The following CFAP100 variants were observed in gnomAD, a reference collection of about 807,000 sequenced individuals.
CFAP100 encodes the protein cilia and flagella associated protein 100, also known as cilia- and flagella-associated protein 100.
A neutral mutation model predicts 81.5 loss-of-function variants in CFAP100; 70 were observed. The ratio of observed to expected loss-of-function variants is 0.86; its 90% CI spans 0.71 to 1.05. CFAP100 has a LOEUF of 1.05. Among genes scored for constraint, CFAP100 ranks in the 50% least tolerant of loss-of-function variants. CFAP100 has a pLI of 0.00. For synonymous variants in CFAP100, 341 were observed against 314.8 expected (o/e 1.08, Z -0.88); for missense variants, 811 against 776.5 (o/e 1.04, Z -0.53).
chr3:126,435,719 C>A, intron 16 of CFAP100, 67 bp downstream of exon 16: 1 of 1,313,394 alleles, frequency 7.6e-7, no homozygotes, highest in Non-Finnish European at 1.1e-6. Flanking sequence ...AGCTGAGGTC[C>A]TGCAGCCCAA....
intron 11 of CFAP100, among the ~76,000 whole-genome samples, chr3:126,422,987 G>C (rs972749260): frequency 6.6e-6 from 1 of 152,194 alleles, no homozygotes; most frequent in South Asian, 2.1e-4. Context: ...CCCAAGAGGA[G>C]AGCAGGTTTT....
At chr3:126,406,421 A>G (rs1041357300) in intron 2 of CFAP100, among the ~76,000 whole-genome samples, 1 of 152,154 alleles carries the variant, frequency 6.6e-6, no homozygotes, top group Admixed American at 6.5e-5. Context: ...AGCCCACCGG[A>G]GACCACGTTC....
intron 2 of CFAP100, among the ~76,000 whole-genome samples, chr3:126,399,016 G>A (rs981587430): frequency 1.3e-5 from 2 of 152,190 alleles, no homozygotes; most frequent in African/African-American, 4.8e-5. Flanking sequence ...CCTCCACAGG[G>A]AATGCTCTTC....
At chr3:126,413,398 G>C (rs1018947087) in intron 3 of CFAP100, among the ~76,000 whole-genome samples, 1 of 152,234 alleles carries the variant, frequency 6.6e-6, no homozygotes, top group Non-Finnish European at 1.5e-5. Context: ...ATTTCTGGGG[G>C]GTTGGGGTTG....
At chr3:126,404,449 GC>G (rs1323895796) in intron 2 of CFAP100, among the ~76,000 whole-genome samples, 2 of 152,166 alleles carry the variant, frequency 1.3e-5, no homozygotes, top group Non-Finnish European at 2.9e-5. Flanking sequence ...TCTATGGAAG[GC>G]TGCCTGCACA....
At chr3:126,423,249 G>T in intron 11 of CFAP100, 76 bp from the exon 12 acceptor site, 2 of 1,260,254 alleles carry the variant, frequency 1.6e-6, no homozygotes, top group South Asian at 1.4e-5. Flanking sequence ...ACGCCTTCAA[G>T]ACCTCTGTGC....
intron 2 of CFAP100, among the ~76,000 whole-genome samples, chr3:126,399,972 G>T (rs532300490): frequency 1.3e-5 from 2 of 152,252 alleles, no homozygotes; most frequent in South Asian, 4.1e-4. Context: ...CTGCTTCTGA[G>T]GGGCCGGCTC....
intron 3 of CFAP100, among the ~76,000 whole-genome samples, chr3:126,413,085 T>C (rs1400167612): frequency 6.6e-6 from 1 of 152,244 alleles, no homozygotes; most frequent in Non-Finnish European, 1.5e-5. Flanking sequence ...TGATTCCTAA[T>C]TGAGGGCAAA....
rs1349137423 is a variant in CFAP100 at position 126,436,386 on chromosome 3, G to A, written c.1818G>A (p.Leu606=). ...HTLMDKEEEE[L]LFFFT ...TGATGGACAAGGAGGAGGAGGAGCTGCTATTTTTCTTTACTTAATCTTCGC... is the reference window on the plus strand; with the variant it reads ...TGATGGACAAGGAGGAGGAGGAGCTACTATTTTTCTTTACTTAATCTTCGC... The change falls in exon 17 of 17, where the codon CTG becomes CTA. Residue 606 remains leucine (L), a synonymous_variant. Transcript: ENST00000352312. 6.2e-7 allele frequency: 1 copy of A among 1,613,856 alleles called. No individual in the cohort carries two copies.
At position 126,402,520 on chromosome 3, in the gene CFAP100, G is replaced by A. The variant is rs573531564; in HGVS notation, c.50-4652G>A. On this transcript the variant is annotated intron_variant, in intron 2 of 16. Transcript: ENST00000352312. ...TAGTTTCGGGGTTCTGGGGCACAGG[G>A]CTGCCCCTGGTTGTCTGGTCCTGGC... Among the ~76,000 whole-genome samples, 7 of 152,290 alleles carry A rather than the reference G, an allele frequency of 4.6e-5. No individual in the cohort carries two copies. The South Asian group carries it at 1.5e-3, about 32-fold the overall frequency.
chr3:126,435,504 T>G, intron 15 of CFAP100, 55 bp from the exon 16 acceptor site: 1 of 1,488,370 alleles, frequency 6.7e-7, no homozygotes. Context: ...CGTGTGGAGA[T>G]TACACAACAC....
At chr3:126,422,234 G>T (rs1015156504) in intron 11 of CFAP100, among the ~76,000 whole-genome samples, 4 of 152,208 alleles carry the variant, frequency 2.6e-5, no homozygotes, top group Non-Finnish European at 4.4e-5. Context: ...TATCAGAAAG[G>T]CATCGTATGG....
At chr3:126,416,529 G>C (rs536241541) in intron 5 of CFAP100, 21 bp downstream of exon 5, 1 of 1,531,334 alleles carries the variant, frequency 6.5e-7, no homozygotes, top group South Asian at 1.2e-5. Context: ...TCCGGCGCGG[G>C]GGGACCTGGG....
chr3:126,422,607 G>C (rs1182938283), intron 11 of CFAP100, among the ~76,000 whole-genome samples: 1 of 152,182 alleles, frequency 6.6e-6, no homozygotes, highest in Non-Finnish European at 1.5e-5. Flanking sequence ...GGGGCCTTCT[G>C]GGGCCCACAC....
Position 126,409,955 on chromosome 3 carries a change from C to G in CFAP100, c.130+2703C>G, listed in dbSNP as rs905827005. ...GTGGCTCACCCCTGTAATCCCAGCA[C>G]TTTGGGAGGCCGAGGCGGGTGGATT... On this transcript the variant is annotated intron_variant, in intron 3 of 16. Transcript: ENST00000352312. 3.3e-5 allele frequency among the ~76,000 whole-genome samples: 5 copies of G among 152,184 alleles called. No individual in the cohort carries two copies. In the East Asian group the frequency reaches 9.6e-4, roughly 29 times the overall value.
intron 11 of CFAP100, among the ~76,000 whole-genome samples, chr3:126,423,038 G>C (rs2083356845): frequency 6.6e-6 from 1 of 152,202 alleles, no homozygotes; most frequent in Non-Finnish European, 1.5e-5. Context: ...AGGGCCATCT[G>C]GCCACCCAGG....
At chr3:126,414,423 C>G in intron 4 of CFAP100, 2 of 627,114 alleles carry the variant, frequency 3.2e-6, no homozygotes, top group Admixed American at 5.1e-5. Flanking sequence ...AGATAGACTT[C>G]TTGGGCTGCT....
At chr3:126,417,257 G>C (rs905082279) in intron 5 of CFAP100, among the ~76,000 whole-genome samples, 8 of 152,042 alleles carry the variant, frequency 5.3e-5, no homozygotes, top group Non-Finnish European at 1.2e-4. Flanking sequence ...CTCATGGATT[G>C]TGGGGATTGA....
intron 13 of CFAP100, among the ~76,000 whole-genome samples, chr3:126,429,365 T>C (rs1214824812): frequency 6.6e-6 from 1 of 152,164 alleles, no homozygotes. Context: ...TTTCTTTTTC[T>C]GTTTGTGCAT....
Sources: allele counts gnomAD v4.1 joint callset (sites outside exome capture counted in the v4.1 genomes callset), GRCh38; gene constraint gnomAD v4.1.1; transcripts MANE v1.5; gene names NCBI Gene and HGNC (gene_info 2026-07-23, HGNC 2026-07-21).